PRC1: variants seen among roughly 807,000 people sequenced by gnomAD.
The protein encoded by PRC1 is protein regulator of cytokinesis 1.
Under a neutral mutation model 91.2 loss-of-function variants are expected in PRC1, and 54 were observed. The ratio of observed to expected loss-of-function variants is 0.59; its 90% CI spans 0.48 to 0.74. The LOEUF (loss-of-function observed/expected upper bound fraction) is 0.74, where lower values mean the gene tolerates loss of function less well. PRC1 is among the 30% of genes least tolerant of loss of function. The pLI, the probability that PRC1 is intolerant of heterozygous loss-of-function variation, is 0.00. For missense variants in PRC1, 727 were observed against 746.2 expected (o/e 0.97, Z 0.30); for synonymous variants, 275 against 263.6 (o/e 1.04, Z -0.42).
At chr15:90,981,205 G>T in intron 5 of PRC1, 172 bp from the exon 6 acceptor site, 3 of 880,660 alleles carry the variant, frequency 3.4e-6, no homozygotes, top group South Asian at 1.9e-5. Context: ...CGGGATCTCA[G>T]ACCCCAAGAA....
chr15:90,994,495 C>A lies in PRC1; in HGVS notation c.-78G>T. The A allele has an allele frequency of 7.2e-6, 11 of 1,538,146 alleles. No homozygotes were observed. Among genetic ancestry groups the A allele is most frequent in the Admixed American group, 1.9e-5 (1 of 54,044 alleles). ...CCCGAGAGCAACAACCACCCGCAAA[C>A]ACCGGCGATGTCACTCCGCGTAGCC... is the stretch of plus-strand genomic sequence containing the variant. On this transcript the variant is annotated 5_prime_UTR_variant, in exon 1 of 15. Transcript: ENST00000394249.
rs755145642 is a variant in PRC1 at position 90,969,513 on chromosome 15, A to G, written c.1683T>C (p.Pro561=). Residue 561 remains proline, a synonymous_variant, in exon 13 of 15, where the codon CCT becomes CCC. Coordinates refer to ENST00000394249, the MANE Select transcript of PRC1 (RefSeq NM_003981.4). ...AGTTGCGCTGGAGGGGGGCCGAGCC[A>G]GGGTACCCACCACTCAGGATGCTGC... ...LNGSILSGGY[P]GSAPLQRNFS... 3.3e-5 allele frequency: 53 copies of G among 1,613,430 alleles called. No homozygotes were observed. Among genetic ancestry groups the G allele is most frequent in the Non-Finnish European group, 4.1e-5 (48 of 1,179,626 alleles).
rs1302455451 is a variant in PRC1, at chr15:90,966,335, T to C, written c.*796A>G. The stretch of plus-strand genomic sequence containing the variant: ...GTAGTGACATGTGCAAAGTTCCAGA[T>C]CTCCACGACAAAGACAGCTCAACCC... On this transcript the variant is annotated 3_prime_UTR_variant, in exon 15 of 15. Coordinates refer to ENST00000394249, the MANE Select transcript of PRC1 (RefSeq NM_003981.4). The C allele has an allele frequency of 3.1e-5, 9 of 285,814 alleles. No individual in the cohort carries two copies. The highest frequency in any genetic ancestry group is 1.6e-4 in the African/African-American group (7 of 44,878). The allele number at this position is 285,814 out of a possible 1,614,324, so 17.7% of individuals were successfully genotyped here. A position where few individuals can be genotyped will look rare whatever the true frequency, so the allele number is the denominator to read the frequency against.
At chr15:90,969,279 A>ACC (rs145838057) in intron 13 of PRC1, among the ~76,000 whole-genome samples, 159 bp from the exon 14 acceptor site, 1 of 151,268 alleles carries the variant, frequency 6.6e-6, no homozygotes, top group African/African-American at 2.4e-5. Flanking sequence ...TTCCTACACA[A>ACC]CCCCCCCTTA....
chr15:90,968,720 T>C lies in PRC1; in HGVS notation c.1791+359A>G, dbSNP rs62026695. 10,516 of 1,117,592 alleles carry C rather than the reference T, an allele frequency of 9.4e-3. 64 individuals carry two copies. The highest frequency in any genetic ancestry group is 0.011 in the Non-Finnish European group (9,739 of 906,982). The allele number at this position is 1,117,592 out of a possible 1,614,324, so 69.2% of individuals were successfully genotyped here. A position where few individuals can be genotyped will look rare whatever the true frequency, so the allele number is the denominator to read the frequency against. ...ATCAGCACACAGGCCAAGAGCCTCA[T>C]TGTAGGCAGCACACAGCTGGGGCTC... On this transcript the variant is annotated intron_variant, in intron 14 of 14. Coordinates refer to ENST00000394249, the MANE Select transcript of PRC1 (RefSeq NM_003981.4).
intron 3 of PRC1, 132 bp from the exon 4 acceptor site, chr15:90,982,113 G>C: frequency 1.2e-6 from 1 of 826,204 alleles, no homozygotes; most frequent in South Asian, 1.7e-5. Flanking sequence ...ATGGTCAACA[G>C]AATATGGCAC....
rs529199787 is a variant in PRC1, at chr15:90,966,796, T to C, written c.*335A>G. ...TACCCCCAGGGATGGGCATAGTCAATCATTTTCCTACAGTGGTGAAATAAA... is the reference window on the plus strand; with the variant it reads ...TACCCCCAGGGATGGGCATAGTCAACCATTTTCCTACAGTGGTGAAATAAA... On this transcript the variant is annotated 3_prime_UTR_variant, in exon 15 of 15. Transcript: ENST00000394249. 48 of 438,674 alleles carry C rather than the reference T, an allele frequency of 1.1e-4. 1 individual carries two copies. The East Asian group carries it at 1.6e-3, about 14-fold the overall frequency. The allele number at this position is 438,674 out of a possible 1,614,324, so 27.2% of individuals were successfully genotyped here. A position where few individuals can be genotyped will look rare whatever the true frequency, so the allele number is the denominator to read the frequency against.
At chr15:90,990,161 C>A (rs898418231) in intron 1 of PRC1, among the ~76,000 whole-genome samples, 1 of 151,894 alleles carries the variant, frequency 6.6e-6, no homozygotes, top group Non-Finnish European at 1.5e-5. Context: ...TATGGTGAAA[C>A]CCCGTCTCTA....
At chr15:90,994,187 G>A (rs1596340799) in intron 1 of PRC1, among the ~76,000 whole-genome samples, 2 of 152,164 alleles carry the variant, frequency 1.3e-5, no homozygotes, top group East Asian at 3.9e-4. Context: ...GGCACCTGCG[G>A]CCGCCGGCGG....
intron 12 of PRC1, 22 bp downstream of exon 12, chr15:90,970,382 C>CT (rs1436483802): frequency 6.5e-7 from 1 of 1,540,008 alleles, no homozygotes; most frequent in East Asian, 2.2e-5. Context: ...TGAGGATGTG[C>CT]TTAGACACAG....
intron 14 of PRC1, chr15:90,968,851 T>A (rs1474971202): frequency 1.1e-5 from 15 of 1,353,176 alleles, no homozygotes; most frequent in Non-Finnish European, 1.4e-5. Flanking sequence ...TTTAAAACTG[T>A]GCCTGACTTT....
chr15:90,975,211 T>A (rs1268466337), intron 9 of PRC1, among the ~76,000 whole-genome samples: 4 of 152,194 alleles, frequency 2.6e-5, no homozygotes, highest in Non-Finnish European at 5.9e-5. Context: ...GTTCAAGCGA[T>A]TCTTGTGCCT....
intron 8 of PRC1, 49 bp from the exon 9 acceptor site, chr15:90,976,820 C>A: frequency 2.1e-6 from 3 of 1,436,666 alleles, no homozygotes; most frequent in South Asian, 1.2e-5. Flanking sequence ...ACCATGAGAC[C>A]AATAACTTCT....
Position 90,970,468 on chromosome 15 carries a change from C to G in PRC1, c.1508G>C (p.Arg503Pro). The stretch of plus-strand genomic sequence containing the variant: ...GTAGACTGTCCCTCCAAAGATAGGC[C>G]GAATGCTACTATTGGCCGTAGCATT... ...MSNATANSSI[R>P]PIFGGTVYHS... is the part of the protein sequence containing the mutation. Residue 503 changes from arginine to proline, a missense_variant, in exon 12 of 15, where the codon CGG becomes CCG. Transcript: ENST00000394249. 2 of 1,613,758 alleles carry G rather than the reference C, an allele frequency of 1.2e-6. No individual in the cohort carries two copies. Among genetic ancestry groups the G allele is most frequent in the Non-Finnish European group, 1.7e-6 (2 of 1,179,796 alleles).
rs2038480057 is a variant in PRC1 at position 90,974,432 on chromosome 15, CCCCGTTCCACAAGCCCCGGTCCCCGGCTT to C, written c.1350+124_1350+152del. ...GTTCCACAAGCCCCGGTCCCCGGCTCCCCGTTCCACAAGCCCCGGTCCCCGGCTTCCCGTTCCACAAGCCCCGGTCCCCG... is the reference window on the plus strand; with the variant it reads ...GTTCCACAAGCCCCGGTCCCCGGCTCCCCGTTCCACAAGCCCCGGTCCCCG... On this transcript the variant is annotated intron_variant, in intron 10 of 14. Coordinates refer to ENST00000394249, the MANE Select transcript of PRC1 (RefSeq NM_003981.4). This position sits in a 1 kb window ranked among gnomAD's most constrained non-coding sequence, Gnocchi z 4.6. The C allele has an allele frequency of 6.6e-4, 820 of 1,235,154 alleles. No individual in the cohort carries two copies. In the African/African-American group the frequency reaches 0.01, roughly 15 times the overall value. 76.5% of individuals were successfully genotyped at this position (1,235,154 alleles called of 1,614,324 possible).
At position 90,966,862 on chromosome 15, in the gene PRC1, A is replaced by G. The variant is rs2037537990; in HGVS notation, c.*269T>C. The G allele has an allele frequency of 3.8e-6, 2 of 527,042 alleles. No individual in the cohort carries two copies. The highest frequency in any genetic ancestry group is 6.9e-6 in the Non-Finnish European group (2 of 291,702). 32.6% of individuals were successfully genotyped at this position (527,042 alleles called of 1,614,324 possible). ...GCTTCAGCAAGTAGAATTATGTGGTAGAGAAGTCAGGCCCCATATGCTAAA... is the reference window on the plus strand; with the variant it reads ...GCTTCAGCAAGTAGAATTATGTGGTGGAGAAGTCAGGCCCCATATGCTAAA... On this transcript the variant is annotated 3_prime_UTR_variant, in exon 15 of 15. Coordinates refer to ENST00000394249, the MANE Select transcript of PRC1 (RefSeq NM_003981.4).
chr15:90,982,207 G>A, intron 3 of PRC1: 1 of 571,170 alleles, frequency 1.8e-6, no homozygotes, highest in Non-Finnish European at 3.1e-6. Flanking sequence ...AAAACTTGTG[G>A]TAGAACACAT....
chr15:90,982,810 T>G (rs1339429902), intron 3 of PRC1: 1 of 152,080 alleles, frequency 6.6e-6, no homozygotes, highest in Non-Finnish European at 1.5e-5. Flanking sequence ...AGCTATAGGG[T>G]GGCATGCCTA....
At chr15:90,993,625 C>G (rs2151644927) in intron 1 of PRC1, among the ~76,000 whole-genome samples, 1 of 152,338 alleles carries the variant, frequency 6.6e-6, no homozygotes, top group South Asian at 2.1e-4. Context: ...GTGGCAGTGT[C>G]ACCGTCTGGT....
Sources: gnomAD v4.1 joint callset for allele counts (sites outside exome capture counted in the v4.1 genomes callset) on GRCh38, gnomAD v4.1.1 for gene constraint, Gnocchi (gnomAD v3.1) non-coding constraint, MANE v1.5 for transcripts, NCBI Gene and HGNC (gene_info 2026-07-23, HGNC 2026-07-21) for gene names.